The following ERO1A variants were observed in gnomAD, a reference collection of about 807,000 sequenced individuals.
ERO1A encodes endoplasmic reticulum oxidoreductase 1 alpha, also known as ERO1-like protein alpha.
A neutral mutation model predicts 76.9 loss-of-function variants in ERO1A; 49 were observed. The ratio of observed to expected loss-of-function variants is 0.64; its 90% CI spans 0.51 to 0.81. The LOEUF (loss-of-function observed/expected upper bound fraction) is 0.81. ERO1A is among the 30% of genes least tolerant of loss of function. ERO1A has a pLI of 0.00. For missense variants in ERO1A, 448 were observed against 542.1 expected, an observed-to-expected ratio of 0.83 and a Z score of 1.72; for synonymous variants, 174 against 181.2, an observed-to-expected ratio of 0.96 and a Z score of 0.32.
At chr14:52,658,225 T>C in intron 9 of ERO1A, 75 bp from the exon 10 acceptor site, 1 of 1,033,140 alleles carries the variant, frequency 9.7e-7, no homozygotes, top group Non-Finnish European at 1.4e-6. Context: ...TTTTAAAGCA[T>C]TATAGCAAAT....
At chr14:52,687,374 G>A (rs2041211816) in intron 1 of ERO1A, among the ~76,000 whole-genome samples, 2 of 152,166 alleles carry the variant, frequency 1.3e-5, no homozygotes, top group Non-Finnish European at 2.9e-5. Context: ...AAGCTGTGGT[G>A]AGCTGAGATT....
chr14:52,674,853 T>C lies in ERO1A; in HGVS notation c.358-2982A>G, dbSNP rs138672991. On this transcript the variant is annotated intron_variant, in intron 4 of 15. Coordinates refer to ENST00000395686, the MANE Select transcript of ERO1A (RefSeq NM_014584.3). The stretch of plus-strand genomic sequence containing the variant: ...CATTCAGCAAATGCACACTTAAGAT[T>C]TGCACATTTCATTGTATGGTAATAC... 1.4e-3 allele frequency among the ~76,000 whole-genome samples: 210 copies of C among 152,326 alleles called. 1 individual carries two copies. Among genetic ancestry groups the C allele is most frequent in the African/African-American group, 4.5e-3 (187 of 41,576 alleles).
In ERO1A at chr14:52,642,774, T is replaced by A. The variant is rs1022160519; in HGVS notation, c.*796A>T. On this transcript the variant is annotated 3_prime_UTR_variant, in exon 16 of 16. Coordinates refer to ENST00000395686, the MANE Select transcript of ERO1A (RefSeq NM_014584.3). ...GAAATTATATAAAAATAAAAAGTGT[T>A]CCCCAAATTTTATTTAGTATTAGTG... The A allele has an allele frequency of 6.6e-6, 1 of 152,586 alleles. No homozygotes were observed. Among genetic ancestry groups the A allele is most frequent in the African/African-American group, 2.4e-5 (1 of 41,444 alleles). 9.5% of individuals were successfully genotyped at this position (152,586 alleles called of 1,614,324 possible).
At chr14:52,664,714 C>G (rs973924848) in intron 7 of ERO1A, among the ~76,000 whole-genome samples, 1 of 150,360 alleles carries the variant, frequency 6.7e-6, no homozygotes, top group Non-Finnish European at 1.5e-5. Flanking sequence ...TTTTTTGAGA[C>G]GGAGTCTCAC....
At chr14:52,657,751 T>C (rs562668250) in intron 11 of ERO1A, among the ~76,000 whole-genome samples, 166 bp downstream of exon 11, 1 of 152,338 alleles carries the variant, frequency 6.6e-6, no homozygotes, top group Admixed American at 6.5e-5. Flanking sequence ...AACTGTTCAA[T>C]TGTATCTACA....
chr14:52,652,088 T>A, intron 13 of ERO1A, 151 bp downstream of exon 13: 6 of 343,294 alleles, frequency 1.7e-5, no homozygotes, highest in Admixed American at 4.8e-5. Flanking sequence ...CACCTCAGCC[T>A]CCCAAAGTGC....
intron 3 of ERO1A, among the ~76,000 whole-genome samples, chr14:52,678,734 T>C (rs1410360648): frequency 6.6e-6 from 1 of 152,228 alleles, no homozygotes; most frequent in Non-Finnish European, 1.5e-5. Flanking sequence ...TCCCTTTTGA[T>C]GTTCAAATTG....
intron 6 of ERO1A, among the ~76,000 whole-genome samples, chr14:52,667,887 A>G (rs891930752): frequency 2.6e-5 from 4 of 152,160 alleles, no homozygotes; most frequent in African/African-American, 9.6e-5. Flanking sequence ...TATGAGCACA[A>G]AAGTGCTTAG....
intron 1 of ERO1A, among the ~76,000 whole-genome samples, chr14:52,684,690 G>A (rs743259): frequency 0.43 from 65,905 of 152,070 alleles, 15,116 homozygotes; most frequent in Middle Eastern, 0.55. Context: ...CTCTTCAAAT[G>A]TTTAAAGCTA....
At chr14:52,668,027 T>C (rs1268936105) in intron 6 of ERO1A, among the ~76,000 whole-genome samples, 1 of 151,606 alleles carries the variant, frequency 6.6e-6, no homozygotes, top group African/African-American at 2.4e-5. Context: ...TAGGGGGAAA[T>C]TTGCTTCTAG....
At chr14:52,662,144 A>T (rs11622698) in intron 8 of ERO1A, among the ~76,000 whole-genome samples, 19,202 of 152,176 alleles carry the variant, frequency 0.13, 1,291 homozygotes, top group East Asian at 0.21. Context: ...TGACTATACC[A>T]TAAGTCATTT....
chr14:52,677,864 TAAAAAAAAAA>T (rs71267893), intron 4 of ERO1A, among the ~76,000 whole-genome samples: 1 of 87,140 alleles, frequency 1.1e-5, no homozygotes, highest in Non-Finnish European at 2.1e-5. Context: ...CCTTTTATCT[TAAAAAAAAAA>T]AAAAAAAAAA....
intron 7 of ERO1A, among the ~76,000 whole-genome samples, chr14:52,665,016 A>C (rs952934738): frequency 6.6e-6 from 1 of 150,770 alleles, no homozygotes; most frequent in African/African-American, 2.4e-5. Context: ...CTGTAATCCC[A>C]GCACTTTGGG....
chr14:52,692,856 A>G (rs2041400234), intron 1 of ERO1A, among the ~76,000 whole-genome samples: 1 of 150,776 alleles, frequency 6.6e-6, no homozygotes, highest in African/African-American at 2.4e-5. Flanking sequence ...ATGTCTGTCT[A>G]TATGCTTGCC....
intron 1 of ERO1A, among the ~76,000 whole-genome samples, chr14:52,694,044 A>G (rs1290229390): frequency 6.6e-6 from 1 of 152,244 alleles, no homozygotes; most frequent in Non-Finnish European, 1.5e-5. Flanking sequence ...AAAGTTGAAG[A>G]GTTCAACATG....
Position 52,678,169 on chromosome 14 carries a change from G to C in ERO1A, c.357+265C>G, listed in dbSNP as rs181437650. 38 of 258,092 alleles carry C rather than the reference G, an allele frequency of 1.5e-4. No individual in the cohort carries two copies. The East Asian group carries it at 2.6e-3, about 17-fold the overall frequency. The allele number at this position is 258,092 out of a possible 1,614,324, so 16.0% of individuals were successfully genotyped here. A position where few individuals can be genotyped will look rare whatever the true frequency, so the allele number is the denominator to read the frequency against. ...TAATCCCAGCTACTCTGGAGGCTGA[G>C]ACAAGAATCGCTTGAACCGGGGAGG... On this transcript the variant is annotated intron_variant, in intron 4 of 15. Coordinates refer to ENST00000395686, the MANE Select transcript of ERO1A (RefSeq NM_014584.3).
At chr14:52,666,911 A>T (rs975657342) in intron 6 of ERO1A, among the ~76,000 whole-genome samples, 2 of 152,352 alleles carry the variant, frequency 1.3e-5, no homozygotes, top group Middle Eastern at 3.4e-3. Flanking sequence ...AGCTTGGGTG[A>T]CAGAGCGAGA....
At chr14:52,668,438 G>A (rs1479470045) in intron 6 of ERO1A, among the ~76,000 whole-genome samples, 1 of 151,770 alleles carries the variant, frequency 6.6e-6, no homozygotes, top group Non-Finnish European at 1.5e-5. Context: ...CCAGCTACTC[G>A]GGAGGCTGAG....
intron 13 of ERO1A, among the ~76,000 whole-genome samples, chr14:52,650,363 C>G (rs755974344): frequency 5.3e-5 from 8 of 150,782 alleles, no homozygotes; most frequent in Non-Finnish European, 1.2e-4. Flanking sequence ...TTAATTGTTA[C>G]CATATCTTAA....
Sources: allele counts gnomAD v4.1 joint callset (sites outside exome capture counted in the v4.1 genomes callset), GRCh38; gene constraint gnomAD v4.1.1; transcripts MANE v1.5; gene names NCBI Gene and HGNC (gene_info 2026-07-23, HGNC 2026-07-21).